SAMD3: variants seen among roughly 807,000 people sequenced by gnomAD.
The protein encoded by SAMD3 is sterile alpha motif domain containing 3.
A neutral mutation model predicts 58.5 loss-of-function variants in SAMD3; 63 were observed. The ratio of observed to expected loss-of-function variants is 1.08; its 90% confidence interval spans 0.88 to 1.33. The LOEUF (loss-of-function observed/expected upper bound fraction) is 1.33, where lower values mean the gene tolerates loss of function less well. SAMD3 is among the 40% of genes most tolerant of loss of function. SAMD3 has a pLI of 0.00. For synonymous variants in SAMD3, 220 were observed against 210.3 expected, an observed-to-expected ratio of 1.05 and a Z score of -0.40; for missense variants, 604 against 608.4, an observed-to-expected ratio of 0.99 and a Z score of 0.08.
At chr6:130,215,801 T>C (rs1459294116) in intron 2 of SAMD3, 1 of 1,534,738 alleles carries the variant, frequency 6.5e-7, no homozygotes, top group Admixed American at 2.0e-5. Flanking sequence ...GTTAACCCCT[T>C]GCTTCTCCTG....
At chr6:130,269,275 G>A (rs1462870677) in intron 2 of SAMD3, among the ~76,000 whole-genome samples, 1 of 152,106 alleles carries the variant, frequency 6.6e-6, no homozygotes, top group Non-Finnish European at 1.5e-5. Context: ...ATATTCATGG[G>A]CATATTTCTA....
intron 2 of SAMD3, among the ~76,000 whole-genome samples, chr6:130,241,509 C>T (rs1209466738): frequency 3.9e-5 from 6 of 152,024 alleles, no homozygotes; most frequent in South Asian, 2.1e-4. Context: ...CCACTGCACC[C>T]GGCCTTAAAC....
rs151231270 is a variant in SAMD3, at chr6:130,286,636, C to T, written c.-188+26342G>A. On this transcript the variant is annotated intron_variant, in intron 2 of 13. Coordinates refer to the SAMD3 transcript ENST00000368134. Reference sequence around the variant, plus strand: ...TATCCATATATTTTTTCTATTCTCCCGATGCTTCTGTATTTTCTTTAAATT... The same window carrying T: ...TATCCATATATTTTTTCTATTCTCCTGATGCTTCTGTATTTTCTTTAAATT... 1.6e-4 allele frequency among the ~76,000 whole-genome samples: 24 copies of T among 152,146 alleles called. No individual in the cohort carries two copies. In the East Asian group the frequency reaches 3.3e-3, roughly 21 times the overall value.
intron 1 of SAMD3, among the ~76,000 whole-genome samples, chr6:130,323,488 C>T (rs2115003593): frequency 6.7e-6 from 1 of 150,044 alleles, no homozygotes; most frequent in African/African-American, 2.5e-5. Context: ...TATTGCTGTA[C>T]ATGTTAAGCA....
At position 130,289,571 on chromosome 6, in the gene SAMD3, C is replaced by G. The variant is rs544860135; in HGVS notation, c.-188+23407G>C. 4.5e-4 allele frequency among the ~76,000 whole-genome samples: 68 copies of G among 152,318 alleles called. 1 individual carries two copies. The South Asian group carries it at 0.014, about 31-fold the overall frequency. Reference sequence around the variant, plus strand: ...TTAGAGTGCAGTGGCACGATCTCGGCTCACTGCAACCTCCACCTCCCAGGT... The same window carrying G: ...TTAGAGTGCAGTGGCACGATCTCGGGTCACTGCAACCTCCACCTCCCAGGT... On this transcript the variant is annotated intron_variant, in intron 2 of 13. Transcript: ENST00000368134.
intron 2 of SAMD3, among the ~76,000 whole-genome samples, chr6:130,292,532 T>C (rs12193774): frequency 0.28 from 42,214 of 151,674 alleles, 6,325 homozygotes; most frequent in East Asian, 0.44. Context: ...GGTGATCCAC[T>C]TGCCTTGGCC....
At chr6:130,147,689 T>C (rs986985410) in intron 9 of SAMD3, among the ~76,000 whole-genome samples, 1 of 152,184 alleles carries the variant, frequency 6.6e-6, no homozygotes, top group African/African-American at 2.4e-5. Flanking sequence ...GAAAATCTAC[T>C]ACACATTCCA....
At chr6:130,333,044 CGTGTGT>C (rs10529435) in intron 1 of SAMD3, among the ~76,000 whole-genome samples, 1,759 of 143,632 alleles carry the variant, frequency 0.012, 30 homozygotes, top group African/African-American at 0.033. Flanking sequence ...GTTGAGTATG[CGTGTGT>C]GTGTGTGTGT....
intron 2 of SAMD3, among the ~76,000 whole-genome samples, chr6:130,291,868 T>G (rs1396943538): frequency 6.6e-6 from 1 of 152,192 alleles, no homozygotes; most frequent in African/African-American, 2.4e-5. Context: ...AGAGTCACAG[T>G]ATGTGGGCAA....
chr6:130,232,581 C>T (rs775082585), intron 2 of SAMD3, among the ~76,000 whole-genome samples: 27 of 152,220 alleles, frequency 1.8e-4, no homozygotes, highest in Admixed American at 5.2e-4. Flanking sequence ...TTTACGAGTT[C>T]AAGTGATAGA....
intron 5 of SAMD3, among the ~76,000 whole-genome samples, chr6:130,192,251 T>C (rs1000585481): frequency 6.6e-6 from 1 of 152,244 alleles, no homozygotes; most frequent in Non-Finnish European, 1.5e-5. Flanking sequence ...ATTGTATGAT[T>C]GATAAAGATG....
chr6:130,353,692 C>T (rs150716406), intron 1 of SAMD3, among the ~76,000 whole-genome samples: 74 of 152,064 alleles, frequency 4.9e-4, no homozygotes, highest in Non-Finnish European at 9.3e-4. Flanking sequence ...TTTTAGGGAG[C>T]AAAGGGACAA....
intron 2 of SAMD3, among the ~76,000 whole-genome samples, chr6:130,229,090 A>G (rs1225158218): frequency 6.6e-6 from 1 of 152,178 alleles, no homozygotes; most frequent in Non-Finnish European, 1.5e-5. Context: ...CCTTCTTGGT[A>G]GCACTGCTGA....
chr6:130,215,088 T>A, intron 3 of SAMD3, 107 bp downstream of exon 3: 1 of 591,736 alleles, frequency 1.7e-6, no homozygotes, highest in South Asian at 2.5e-5. Context: ...CACATCCACA[T>A]TGACATGCAC....
At position 130,145,958 on chromosome 6, in the gene SAMD3, A is replaced by G. The variant is rs951539764; in HGVS notation, c.1195+52T>C. The stretch of plus-strand genomic sequence containing the variant: ...GACTACCAAAGCATAACTTTTCTAG[A>G]TATTCTGATAAATAACAGATGAAAT... On this transcript the variant is annotated intron_variant, in intron 10 of 11. Transcript: ENST00000439090. The G allele has an allele frequency of 1.4e-5, 16 of 1,139,758 alleles. No homozygotes were observed. The South Asian group carries it at 5.0e-4, about 35-fold the overall frequency. The allele number at this position is 1,139,758 out of a possible 1,614,324, so 70.6% of individuals were successfully genotyped here.
At chr6:130,281,987 A>C (rs1774997358) in intron 2 of SAMD3, among the ~76,000 whole-genome samples, 1 of 152,190 alleles carries the variant, frequency 6.6e-6, no homozygotes, top group African/African-American at 2.4e-5. Flanking sequence ...CAGCATTTGC[A>C]CATGCCATAC....
chr6:130,289,033 A>G (rs187942346), intron 2 of SAMD3, among the ~76,000 whole-genome samples: 9 of 152,322 alleles, frequency 5.9e-5, no homozygotes, highest in Admixed American at 1.3e-4. Context: ...CTGTGGTAAC[A>G]CTTGTCTGGG....
At chr6:130,361,594 A>T (rs1314435301) in intron 1 of SAMD3, among the ~76,000 whole-genome samples, 1 of 152,246 alleles carries the variant, frequency 6.6e-6, no homozygotes, top group Non-Finnish European at 1.5e-5. Flanking sequence ...AGATCTAATA[A>T]AATTGTTAAG....
intron 2 of SAMD3, among the ~76,000 whole-genome samples, chr6:130,309,112 A>G (rs1776048858): frequency 6.6e-6 from 1 of 152,198 alleles, no homozygotes. Context: ...CTCCAAGTTC[A>G]TTAGACAAGA....
Sources: allele counts gnomAD v4.1 joint callset (sites outside exome capture counted in the v4.1 genomes callset), GRCh38; gene constraint gnomAD v4.1.1; transcripts MANE v1.5; gene names NCBI Gene and HGNC (gene_info 2026-07-23, HGNC 2026-07-21).